PI4K2A: variants seen among roughly 807,000 people sequenced by gnomAD.
PI4K2A encodes phosphatidylinositol 4-kinase type 2 alpha.
A neutral mutation model predicts 55.0 loss-of-function variants in PI4K2A; 20 were observed. The ratio of observed to expected loss-of-function variants is 0.36; its 90% CI spans 0.26 to 0.53. The LOEUF (loss-of-function observed/expected upper bound fraction) is 0.53. Ranked by LOEUF, PI4K2A falls within the 20% of genes least tolerant of loss-of-function variation. The pLI is 0.91. For missense variants in PI4K2A, 463 were observed against 637.1 expected (o/e 0.73, Z 2.94); for synonymous variants, 235 against 258.5 (o/e 0.91, Z 0.87).
In PI4K2A at chr10:97,672,725, C is replaced by CTTTTTTTTT. The variant is rs146627600; in HGVS notation, c.1279-840_1279-832dup. Among the ~76,000 whole-genome samples the CTTTTTTTTT allele has an allele frequency of 6.8e-4, 57 of 83,960 alleles. 2 individuals carry two copies. The highest frequency in any genetic ancestry group is 1.6e-3 in the East Asian group (5 of 3,140). The allele number at this position is 83,960 out of a possible 152,430, so 55.1% of individuals were successfully genotyped here. A position where few individuals can be genotyped will look rare whatever the true frequency, so the allele number is the denominator to read the frequency against. On this transcript the variant is annotated intron_variant, in intron 8 of 8. Coordinates refer to ENST00000370631, the Ensembl canonical transcript of PI4K2A. ...GAATTGCCGAGTCAGAGGGTCTGTT[C>CTTTTTTTTT]TTTTTTTTTTTTTTTTTTTTTTTTG...
chr10:97,672,145 C>T (rs4291605), intron 8 of PI4K2A, among the ~76,000 whole-genome samples: 28,462 of 150,706 alleles, frequency 0.19, 3,055 homozygotes, highest in East Asian at 0.39. Context: ...TGGGTTCAAG[C>T]GATTCTCCTG....
chr10:97,660,248 G>T (rs1373519070), intron 4 of PI4K2A, among the ~76,000 whole-genome samples: 2 of 148,008 alleles, frequency 1.4e-5, no homozygotes, highest in Admixed American at 6.8e-5. Context: ...TGATCTGCCC[G>T]CCTTGGCCTC....
intron 1 of PI4K2A, among the ~76,000 whole-genome samples, chr10:97,641,419 G>T (rs1055251008): frequency 6.6e-6 from 1 of 152,070 alleles, no homozygotes; most frequent in Non-Finnish European, 1.5e-5. Context: ...GACCAGATAC[G>T]GGCCGGGGGC....
At chr10:97,647,573 G>A (rs995175903) in intron 1 of PI4K2A, among the ~76,000 whole-genome samples, 4 of 152,194 alleles carry the variant, frequency 2.6e-5, no homozygotes, top group African/African-American at 9.6e-5. Context: ...AATGCCTGCA[G>A]AATGCTTGCA....
rs189382499 is a variant in PI4K2A at position 97,658,257 on chromosome 10, T to C, written c.922+1283T>C. Among the ~76,000 whole-genome samples, 827 of 152,362 alleles carry C rather than the reference T, an allele frequency of 5.4e-3. 3 individuals carry two copies. The highest frequency in any genetic ancestry group is 0.01 in the Middle Eastern group (3 of 294). On this transcript the variant is annotated intron_variant, in intron 4 of 8. Coordinates refer to ENST00000370631, the Ensembl canonical transcript of PI4K2A. ...TCTGTTTCTATGATTTTGACTACTCTAAGTACCTCATGTAAGTGGAATAGT... is the reference window on the plus strand; with the variant it reads ...TCTGTTTCTATGATTTTGACTACTCCAAGTACCTCATGTAAGTGGAATAGT...
At chr10:97,640,957 G>A in exon 1 of PI4K2A, 1 of 1,504,344 alleles carries the variant, frequency 6.6e-7, no homozygotes, top group Non-Finnish European at 8.8e-7. Context: ...GCGGCCCAGG[G>A]CCAGACCCAA....
chr10:97,641,860 G>A (rs2041471582), intron 1 of PI4K2A, among the ~76,000 whole-genome samples: 1 of 152,098 alleles, frequency 6.6e-6, no homozygotes, highest in Non-Finnish European at 1.5e-5. Flanking sequence ...CTCTCCCAGG[G>A]CTATCAACAG....
Position 97,649,821 on chromosome 10 carries a change from A to G in PI4K2A, c.436-1120A>G, listed in dbSNP as rs1366217344. On this transcript the variant is annotated intron_variant, in intron 1 of 8. Coordinates refer to ENST00000370631, the Ensembl canonical transcript of PI4K2A. ...GTATTTTTAGTAGAGACAGGGTTTC[A>G]CCATGTTGGCCAGGCTGGTCTCGAA... 2.6e-5 allele frequency among the ~76,000 whole-genome samples: 4 copies of G among 151,608 alleles called. No homozygotes were observed. In the East Asian group the frequency reaches 7.8e-4, roughly 29 times the overall value.
At chr10:97,642,865 T>TTCTTTCTTTC (rs1554878117) in intron 1 of PI4K2A, among the ~76,000 whole-genome samples, 1,868 of 53,262 alleles carry the variant, frequency 0.035, 267 homozygotes, top group Non-Finnish European at 0.043. Flanking sequence ...CTTTCTTTCT[T>TTCTTTCTTTC]TTTCTTTCTT....
chr10:97,645,031 C>G (rs2041498313), intron 1 of PI4K2A, among the ~76,000 whole-genome samples: 1 of 152,190 alleles, frequency 6.6e-6, no homozygotes, highest in East Asian at 1.9e-4. Context: ...ACACATACCC[C>G]CCTCACTTAC....
intron 1 of PI4K2A, among the ~76,000 whole-genome samples, chr10:97,644,365 A>T (rs200435846): frequency 2.8e-5 from 3 of 105,700 alleles, no homozygotes; most frequent in African/African-American, 9.5e-5. Flanking sequence ...ACAAAACAAA[A>T]GAAAAGAATT....
At chr10:97,646,222 T>C (rs1381053934) in intron 1 of PI4K2A, among the ~76,000 whole-genome samples, 1 of 150,622 alleles carries the variant, frequency 6.6e-6, no homozygotes, top group Non-Finnish European at 1.5e-5. Flanking sequence ...CTTAATAATT[T>C]TTTTTTTTTT....
intron 8 of PI4K2A, among the ~76,000 whole-genome samples, chr10:97,672,049 C>CT (rs112040417): frequency 1.3e-3 from 184 of 140,566 alleles, no homozygotes; most frequent in Admixed American, 1.6e-3. Context: ...TAATTTCTTT[C>CT]TTTTTTTTTT....
At chr10:97,658,355 T>A (rs2041565649) in intron 4 of PI4K2A, among the ~76,000 whole-genome samples, 1 of 152,258 alleles carries the variant, frequency 6.6e-6, no homozygotes, top group South Asian at 2.1e-4. Flanking sequence ...TGATGTAGTA[T>A]ATATCAGAAT....
exon 1 of PI4K2A, chr10:97,640,969 C>A (rs1338968635): frequency 6.6e-7 from 1 of 1,523,392 alleles, no homozygotes; most frequent in South Asian, 1.2e-5. Context: ...CAGACCCAAA[C>A]CGTGGCGGCG....
intron 5 of PI4K2A, among the ~76,000 whole-genome samples, chr10:97,663,299 A>G (rs1378835672): frequency 6.6e-6 from 1 of 152,040 alleles, no homozygotes; most frequent in African/African-American, 2.4e-5. Context: ...TTTGATTTCT[A>G]CCCCTTTTAA....
chr10:97,673,504 C>G (rs1184416668), intron 8 of PI4K2A, 77 bp from the exon 9 acceptor site: 31 of 1,234,350 alleles, frequency 2.5e-5, no homozygotes, highest in Non-Finnish European at 3.6e-5. Context: ...TAGGCGTCCT[C>G]TCTACTGATC....
chr10:97,666,557 T>C, exon 7 of PI4K2A: 1 of 1,613,586 alleles, frequency 6.2e-7, no homozygotes, highest in South Asian at 1.1e-5. Flanking sequence ...AGAGGACCTA[T>C]ATGAACTCTT....
intron 1 of PI4K2A, among the ~76,000 whole-genome samples, chr10:97,643,981 T>C (rs1298164767): frequency 1.3e-5 from 2 of 152,108 alleles, no homozygotes; most frequent in African/African-American, 4.8e-5. Flanking sequence ...AGAGGCAGGA[T>C]TGGGCCAAGG....
Sources: allele counts gnomAD v4.1 joint callset (sites outside exome capture counted in the v4.1 genomes callset), GRCh38; gene constraint gnomAD v4.1.1; transcripts MANE v1.5; gene names NCBI Gene and HGNC (gene_info 2026-07-23, HGNC 2026-07-21).